DOCK8: variants seen among roughly 807,000 people sequenced by gnomAD.
DOCK8 encodes dedicator of cytokinesis protein 8.
DOCK8 carries 141 observed loss-of-function variants against 245.6 expected under a neutral mutation model. The observed-to-expected ratio is 0.57, with a 90% CI of 0.50 to 0.66. The LOEUF is 0.66. DOCK8 is among the 30% of genes least tolerant of loss of function. The pLI is 0.00. For missense variants in DOCK8, 2,965 were observed against 2,603.4 expected, an observed-to-expected ratio of 1.14 and a Z score of -3.02; for synonymous variants, 1,168 against 970.2, an observed-to-expected ratio of 1.20 and a Z score of -3.79.
intron 43 of DOCK8, among the ~76,000 whole-genome samples, chr9:445,635 T>G (rs1469302727): frequency 6.6e-6 from 1 of 152,232 alleles, no homozygotes; most frequent in East Asian, 1.9e-4. Flanking sequence ...TAGTCCATGT[T>G]GCAATAGTTC....
intron 5 of DOCK8, among the ~76,000 whole-genome samples, chr9:307,978 C>T (rs1201937900): frequency 6.6e-6 from 1 of 152,166 alleles, no homozygotes; most frequent in Non-Finnish European, 1.5e-5. Flanking sequence ...ACTGCATGAT[C>T]TCACTTATAT....
intron 1 of DOCK8, among the ~76,000 whole-genome samples, chr9:227,570 T>C (rs1055992484): frequency 6.6e-6 from 1 of 152,196 alleles, no homozygotes; most frequent in African/African-American, 2.4e-5. Context: ...GCCTTTGTTT[T>C]TGTAAACCAC....
chr9:247,128 A>G (rs2047524595), intron 1 of DOCK8, among the ~76,000 whole-genome samples: 3 of 152,212 alleles, frequency 2.0e-5, no homozygotes, highest in African/African-American at 7.2e-5. Context: ...TCTCATGCTT[A>G]TTAAAAACAT....
In DOCK8 at chr9:434,817, C is replaced by T. The variant is rs970371344; in HGVS notation, c.4921C>T (p.Arg1641Trp). 1.2e-6 allele frequency: 2 copies of T among 1,614,106 alleles called. No individual in the cohort carries two copies. The highest frequency in any genetic ancestry group is 1.7e-6 in the Non-Finnish European group (2 of 1,180,042). ...GAGTTACCAGGCATCTCCTGATCTG[C>T]GGCTGACCTGGCTCCAGAACATGGC... ...AKSYQASPDL[R>W]LTWLQNMAEK... is the part of the protein sequence containing the mutation. Residue 1641 changes from arginine (R) to tryptophan (W), a missense_variant, in exon 39 of 48, where the codon CGG becomes TGG. Physicochemically the swap from Arg to Trp is moderately radical, Grantham distance 101 (BLOSUM62 -3). Coordinates refer to ENST00000432829, the MANE Select transcript of DOCK8 (RefSeq NM_203447.4).
intron 7 of DOCK8, among the ~76,000 whole-genome samples, chr9:324,026 C>T (rs2050641993): frequency 6.6e-6 from 1 of 152,156 alleles, no homozygotes; most frequent in Non-Finnish European, 1.5e-5. Context: ...CTCACAACAA[C>T]CAGGAAAATG....
intron 14 of DOCK8, among the ~76,000 whole-genome samples, chr9:344,830 C>T (rs1433023613): frequency 1.3e-5 from 2 of 152,090 alleles, no homozygotes; most frequent in East Asian, 3.9e-4. Flanking sequence ...GGTGAATCAC[C>T]TGAGTGAGGT....
intron 1 of DOCK8, among the ~76,000 whole-genome samples, chr9:255,401 C>G (rs2047744613): frequency 6.6e-6 from 1 of 152,134 alleles, no homozygotes; most frequent in Non-Finnish European, 1.5e-5. Context: ...AGCGCGGTGG[C>G]TCATGCCTGT....
chr9:281,822 C>A (rs1379565896), intron 2 of DOCK8, among the ~76,000 whole-genome samples: 1 of 152,216 alleles, frequency 6.6e-6, no homozygotes, highest in African/African-American at 2.4e-5. Flanking sequence ...ACCCACTTGC[C>A]AAGGGCAAGA....
At position 464,141 on chromosome 9, in the gene DOCK8, C is replaced by G. The variant is rs2057900959; in HGVS notation, c.6240-18C>G. The G allele has an allele frequency of 1.2e-6, 2 of 1,606,932 alleles. No homozygotes were observed. Among genetic ancestry groups the G allele is most frequent in the Non-Finnish European group, 1.7e-6 (2 of 1,173,422 alleles). On this transcript the variant is annotated intron_variant, in intron 47 of 47. Coordinates refer to ENST00000432829, the MANE Select transcript of DOCK8 (RefSeq NM_203447.4). ...TACGCTCTCTTTCCCTCTCCTCCCT[C>G]TCTTTTCTTAATTTCAGGGACTCCT...
intron 1 of DOCK8, among the ~76,000 whole-genome samples, chr9:228,138 A>G (rs2047028822): frequency 6.6e-6 from 1 of 152,210 alleles, no homozygotes; most frequent in African/African-American, 2.4e-5. Flanking sequence ...GAGGCCGAAG[A>G]GAAATGGGAC....
At chr9:405,723 G>A (rs1265902661) in intron 27 of DOCK8, among the ~76,000 whole-genome samples, 3 of 152,040 alleles carry the variant, frequency 2.0e-5, no homozygotes, top group African/African-American at 7.2e-5. Flanking sequence ...TTATATTTCT[G>A]TTGCATATTC....
intron 1 of DOCK8, among the ~76,000 whole-genome samples, chr9:235,393 G>C (rs571569841): frequency 6.6e-6 from 1 of 152,332 alleles, no homozygotes; most frequent in African/African-American, 2.4e-5. Context: ...CTGAAGCTGT[G>C]TGCTGGGAGA....
chr9:247,949 T>C (rs1289766271), intron 1 of DOCK8, among the ~76,000 whole-genome samples: 1 of 149,344 alleles, frequency 6.7e-6, no homozygotes, highest in Non-Finnish European at 1.5e-5. Context: ...ATGTATATTG[T>C]ATTAAAATGT....
intron 2 of DOCK8, 115 bp from the exon 3 acceptor site, chr9:286,345 CA>C (rs1563876627): frequency 9.3e-6 from 11 of 1,185,872 alleles, no homozygotes; most frequent in Non-Finnish European, 9.6e-6. Flanking sequence ...CGTTTTATGC[CA>C]GGAGCGAAGT....
chr9:233,622 T>C (rs2047174142), intron 1 of DOCK8, among the ~76,000 whole-genome samples: 1 of 152,172 alleles, frequency 6.6e-6, no homozygotes, highest in Non-Finnish European at 1.5e-5. Flanking sequence ...TAGCTCTTCT[T>C]GTTGAATTGA....
At chr9:409,945 T>C (rs1220311805) in intron 28 of DOCK8, among the ~76,000 whole-genome samples, 1 of 152,174 alleles carries the variant, frequency 6.6e-6, no homozygotes, top group African/African-American at 2.4e-5. Flanking sequence ...CAGTCTACCA[T>C]TGATGGACAT....
rs574633975 is a variant in DOCK8, at chr9:268,726, G to T, written c.54-2901G>T. ...GTCTTATCTGTAAAAAGGTCAGCTTGATCACAGAAAAAGGCTTTGGCTTGG... is the reference window on the plus strand; with the variant it reads ...GTCTTATCTGTAAAAAGGTCAGCTTTATCACAGAAAAAGGCTTTGGCTTGG... On this transcript the variant is annotated intron_variant, in intron 1 of 47. Coordinates refer to ENST00000432829, the MANE Select transcript of DOCK8 (RefSeq NM_203447.4). Among the ~76,000 whole-genome samples, 7 of 152,324 alleles carry T rather than the reference G, an allele frequency of 4.6e-5. No individual in the cohort carries two copies. The East Asian group carries it at 1.3e-3, about 29-fold the overall frequency.
intron 1 of DOCK8, among the ~76,000 whole-genome samples, chr9:246,410 G>T (rs1415592388): frequency 2.6e-5 from 4 of 152,090 alleles, no homozygotes; most frequent in Non-Finnish European, 4.4e-5. Flanking sequence ...AGCACCTGTA[G>T]TCCCACCTAC....
chr9:373,960 A>G (rs2053409054), intron 18 of DOCK8, among the ~76,000 whole-genome samples: 1 of 152,194 alleles, frequency 6.6e-6, no homozygotes, highest in South Asian at 2.1e-4. Context: ...TGAGTGTTGG[A>G]GAGAGACAAA....
Sources: allele counts gnomAD v4.1 joint callset (sites outside exome capture counted in the v4.1 genomes callset), GRCh38; gene constraint gnomAD v4.1.1; transcripts MANE v1.5; gene names NCBI Gene and HGNC (gene_info 2026-07-23, HGNC 2026-07-21).